The following UBE2L3 variants were observed in gnomAD, a reference collection of about 807,000 sequenced individuals.
The protein encoded by UBE2L3 is ubiquitin conjugating enzyme E2 L3.
UBE2L3 carries 1 observed loss-of-function variant against 17.8 expected under a neutral mutation model. That is an observed-to-expected ratio of 0.06 (90% CI 0.02 to 0.27). The LOEUF is 0.27. Ranked by LOEUF, UBE2L3 falls within the 10% of genes least tolerant of loss-of-function variation. UBE2L3 has a pLI of 1.00. For missense variants in UBE2L3, 40 were observed against 192.6 expected, an observed-to-expected ratio of 0.21 and a Z score of 4.69; for synonymous variants, 44 against 68.5, an observed-to-expected ratio of 0.64 and a Z score of 1.76.
chr22:21,621,628 G>C lies in UBE2L3; in HGVS notation c.424G>C (p.Glu142Gln). ...DRKKFCKNAE[E>Q]FTKKYGEKRP... ...TAAAAAATTCTGTAAGAATGCTGAAGAGTTTACAAAGAAATATGGGGAAAA... is the reference window on the plus strand; with the variant it reads ...TAAAAAATTCTGTAAGAATGCTGAACAGTTTACAAAGAAATATGGGGAAAA... The change falls in exon 4 of 4, where the codon GAG (glutamate) becomes CAG (glutamine). Residue 142 changes from glutamate to glutamine, a missense_variant. Coordinates refer to ENST00000342192, the MANE Select transcript of UBE2L3 (RefSeq NM_003347.4). 1 of 1,607,964 alleles carries C rather than the reference G, an allele frequency of 6.2e-7. No homozygotes were observed. The highest frequency in any genetic ancestry group is 8.5e-7 in the Non-Finnish European group (1 of 1,178,474).
intron 1 of UBE2L3, among the ~76,000 whole-genome samples, chr22:21,556,266 G>C (rs982727045): frequency 6.6e-6 from 1 of 152,206 alleles, no homozygotes. Flanking sequence ...ATAGTGGCGT[G>C]TGCCTGTAGC....
chr22:21,621,151 G>C (rs745454264), intron 3 of UBE2L3, among the ~76,000 whole-genome samples: 1 of 152,154 alleles, frequency 6.6e-6, no homozygotes, highest in Non-Finnish European at 1.5e-5. Context: ...CTAGGTGACA[G>C]AGTGAGACCC....
chr22:21,601,272 G>A (rs1257449999), intron 2 of UBE2L3, among the ~76,000 whole-genome samples: 3 of 152,004 alleles, frequency 2.0e-5, no homozygotes, highest in Non-Finnish European at 4.4e-5. Context: ...ATGTTCAGAA[G>A]TCACAAGAAC....
At chr22:21,552,471 GCA>G (rs1305089853) in intron 1 of UBE2L3, among the ~76,000 whole-genome samples, 1 of 102,642 alleles carries the variant, frequency 9.7e-6, no homozygotes, top group African/African-American at 4.2e-5. Context: ...GCGATTACAG[GCA>G]TGAGCCACTG....
In UBE2L3 at chr22:21,567,722, G is replaced by A; in HGVS notation, c.-23G>A. 2 of 1,577,874 alleles carry A rather than the reference G, an allele frequency of 1.3e-6. No homozygotes were observed. The highest frequency in any genetic ancestry group is 2.3e-5 in the South Asian group (2 of 85,886). On this transcript the variant is annotated 5_prime_UTR_variant, in exon 1 of 4. Coordinates refer to ENST00000342192, the MANE Select transcript of UBE2L3 (RefSeq NM_003347.4). ...CCGGCCGGCCGCGATGCATTCTGGG[G>A]AAGGAGCAGCACCAAATCCAAGATG...
At position 21,603,553 on chromosome 22, in the gene UBE2L3, AG is replaced by A. The variant is rs1294395591; in HGVS notation, c.124-7303del. 6.5e-3 allele frequency among the ~76,000 whole-genome samples: 929 copies of A among 144,022 alleles called. 7 individuals carry two copies. Among genetic ancestry groups the A allele is most frequent in the Middle Eastern group, 0.023 (6 of 260 alleles). 94.5% of individuals were successfully genotyped at this position (144,022 alleles called of 152,430 possible). A position where few individuals can be genotyped will look rare whatever the true frequency, so the allele number is the denominator to read the frequency against. On this transcript the variant is annotated intron_variant, in intron 2 of 3. Transcript: ENST00000342192. ...TTAAAAAAAAAAAAAAAAAAAAAAA[AG>A]ACAAGTGGGCTGGTCGCCGTGGCTC... is the stretch of plus-strand genomic sequence containing the variant.
chr22:21,557,399 C>T (rs1278105612), intron 1 of UBE2L3, among the ~76,000 whole-genome samples: 1 of 152,226 alleles, frequency 6.6e-6, no homozygotes, highest in Non-Finnish European at 1.5e-5. Context: ...CCCAACCCCC[C>T]AAAATAAAAA....
chr22:21,598,501 T>C (rs1928679695), intron 2 of UBE2L3, among the ~76,000 whole-genome samples: 1 of 151,664 alleles, frequency 6.6e-6, no homozygotes, highest in South Asian at 2.1e-4. Flanking sequence ...CTAGTTCTGT[T>C]ATTGATTTCT....
chr22:21,599,881 A>AT (rs1928764214), intron 2 of UBE2L3, among the ~76,000 whole-genome samples: 1 of 152,202 alleles, frequency 6.6e-6, no homozygotes, highest in Non-Finnish European at 1.5e-5. Context: ...AGAAGTACTC[A>AT]TGGCTATTTG....
chr22:21,578,400 C>G (rs1014775561), intron 1 of UBE2L3, among the ~76,000 whole-genome samples: 1 of 151,686 alleles, frequency 6.6e-6, no homozygotes, highest in African/African-American at 2.4e-5. Context: ...ATAAGAAAAC[C>G]TAAGCTTCCT....
chr22:21,596,498 G>A (rs1310835100), intron 2 of UBE2L3, among the ~76,000 whole-genome samples: 4 of 152,182 alleles, frequency 2.6e-5, no homozygotes, highest in African/African-American at 4.8e-5. Flanking sequence ...AGCCTCCCGA[G>A]TAGCTGGGAT....
upstream of UBE2L3, among the ~76,000 whole-genome samples, chr22:21,562,824 G>A (rs1421039640): frequency 6.6e-6 from 1 of 151,764 alleles, no homozygotes; most frequent in Non-Finnish European, 1.5e-5. Context: ...TGTTTTTCTG[G>A]ACCTGGGCCC....
intron 2 of UBE2L3, among the ~76,000 whole-genome samples, chr22:21,610,109 A>G (rs1929401420): frequency 6.6e-6 from 1 of 152,216 alleles, no homozygotes; most frequent in African/African-American, 2.4e-5. Context: ...CAAGGTGCCA[A>G]CAGATTCAGT....
At chr22:21,571,069 G>T (rs1926937224) in intron 1 of UBE2L3, among the ~76,000 whole-genome samples, 1 of 152,186 alleles carries the variant, frequency 6.6e-6, no homozygotes, top group African/African-American at 2.4e-5. Context: ...AAAAGCACTT[G>T]CCAGGAGGCT....
intron 1 of UBE2L3, among the ~76,000 whole-genome samples, chr22:21,572,496 T>C (rs1481388090): frequency 6.6e-6 from 1 of 152,068 alleles, no homozygotes; most frequent in Non-Finnish European, 1.5e-5. Flanking sequence ...TTTCTGATCT[T>C]GTTAAAACTC....
At chr22:21,604,663 G>A (rs1375059135) in intron 2 of UBE2L3, among the ~76,000 whole-genome samples, 2 of 152,050 alleles carry the variant, frequency 1.3e-5, no homozygotes, top group Non-Finnish European at 2.9e-5. Context: ...CTTCCCAAAG[G>A]GCAAGTTTAG....
At chr22:21,568,229 G>C in intron 1 of UBE2L3, 1 of 988,776 alleles carries the variant, frequency 1.0e-6, no homozygotes, top group South Asian at 4.7e-5. Context: ...CGCTTGGCCC[G>C]GCCGCAGCTC....
chr22:21,565,722 T>G (rs1446739894), upstream of UBE2L3, among the ~76,000 whole-genome samples: 1 of 107,442 alleles, frequency 9.3e-6, no homozygotes, highest in African/African-American at 3.6e-5. Context: ...CATTTTGCAC[T>G]CCACCCTGGG....
chr22:21,612,055 A>G (rs1929509210), intron 3 of UBE2L3, among the ~76,000 whole-genome samples: 1 of 152,218 alleles, frequency 6.6e-6, no homozygotes, highest in African/African-American at 2.4e-5. Context: ...TGACCTGCAC[A>G]GGGATTGAGG....
Sources: allele counts gnomAD v4.1 joint callset (sites outside exome capture counted in the v4.1 genomes callset), GRCh38; gene constraint gnomAD v4.1.1; transcripts MANE v1.5; gene names NCBI Gene and HGNC (gene_info 2026-07-23, HGNC 2026-07-21).